The following IREB2 variants were observed in gnomAD, a reference collection of about 807,000 sequenced individuals.
IREB2 encodes the protein iron-responsive element-binding protein 2.
Under a neutral mutation model 118.8 loss-of-function variants are expected in IREB2, and 39 were observed. The ratio of observed to expected loss-of-function variants is 0.33; its 90% CI spans 0.25 to 0.43. The LOEUF is 0.43. IREB2 is among the 20% of genes least tolerant of loss of function. IREB2 has a pLI of 1.00. For missense variants in IREB2, 900 were observed against 1,147.3 expected (o/e 0.78, Z 3.11); for synonymous variants, 372 against 392.2 (o/e 0.95, Z 0.61).
chr15:78,438,106 C>T (rs1415651023), upstream of IREB2: 4 of 555,060 alleles, frequency 7.2e-6, no homozygotes, highest in African/African-American at 3.8e-5. Flanking sequence ...TGGTTAGCTC[C>T]GCCCCTTCCC....
In IREB2 at chr15:78,460,926, A is replaced by G. The variant is rs2051186431; in HGVS notation, c.107-1996A>G. Among the ~76,000 whole-genome samples, 2 of 152,220 alleles carry G rather than the reference A, an allele frequency of 1.3e-5. 1 individual carries two copies. The highest frequency in any genetic ancestry group is 1.3e-4 in the Admixed American group (2 of 15,278). ...GAGGAACAGAGTCATCCACAATCAT[A>G]AGCAGTTTGACATGCCCTTCTAGGT... On this transcript the variant is annotated intron_variant, in intron 2 of 21. Coordinates refer to ENST00000258886, the MANE Select transcript of IREB2 (RefSeq NM_004136.4).
rs575013838 is a variant in IREB2, at chr15:78,451,185, C to T, written c.106+11304C>T. ...TTCACCATGTTGGCCAGGCTGGTCT[C>T]GAACTCCTGACCTCAGATGATCCAC... On this transcript the variant is annotated intron_variant, in intron 2 of 21. Coordinates refer to ENST00000258886, the MANE Select transcript of IREB2 (RefSeq NM_004136.4). Among the ~76,000 whole-genome samples the T allele has an allele frequency of 3.6e-4, 54 of 152,096 alleles. No homozygotes were observed. The South Asian group carries it at 0.01, about 29-fold the overall frequency.
Position 78,488,802 on chromosome 15 carries a change from TAATC to T in IREB2, c.2076+35_2076+38del, listed in dbSNP as rs1442219755. On this transcript the variant is annotated intron_variant, in intron 16 of 21. Transcript: ENST00000258886. ...AGTCTTATGTGTTTCTTAAATAGTT[TAATC>T]AATTTGCAGTGTTCTTTTATTTCAT... 3.3e-5 allele frequency: 42 copies of T among 1,286,458 alleles called. No individual in the cohort carries two copies. In the Admixed American group the frequency reaches 9.0e-4, roughly 28 times the overall value. The allele number at this position is 1,286,458 out of a possible 1,614,324, so 79.7% of individuals were successfully genotyped here.
At chr15:78,489,414 T>C (rs1319490954) in intron 16 of IREB2, among the ~76,000 whole-genome samples, 1 of 152,138 alleles carries the variant, frequency 6.6e-6, no homozygotes, top group African/African-American at 2.4e-5. Flanking sequence ...GTGTTCAGAA[T>C]ACATCATTGA....
intron 13 of IREB2, 96 bp from the exon 14 acceptor site, chr15:78,487,634 AAGT>A: frequency 1.4e-6 from 1 of 701,014 alleles, no homozygotes; most frequent in South Asian, 1.7e-5. Context: ...ATAGTCTTTT[AAGT>A]AATCTTATTA....
intron 3 of IREB2, among the ~76,000 whole-genome samples, chr15:78,464,127 A>T (rs1175774024): frequency 6.6e-6 from 1 of 152,222 alleles, no homozygotes; most frequent in Non-Finnish European, 1.5e-5. Flanking sequence ...TAACTGCAAT[A>T]GTCTCTTAAC....
At chr15:78,491,607 C>T (rs147568176) in intron 18 of IREB2, among the ~76,000 whole-genome samples, 4 of 152,286 alleles carry the variant, frequency 2.6e-5, no homozygotes, top group East Asian at 1.9e-4. Flanking sequence ...AAGCAATTCT[C>T]CTACCTCAGC....
intron 15 of IREB2, 149 bp downstream of exon 15, chr15:78,488,485 G>A: frequency 3.1e-6 from 3 of 981,012 alleles, no homozygotes; most frequent in Non-Finnish European, 4.4e-6. Context: ...CTGTGTTTAT[G>A]TGAAGAAAAT....
chr15:78,444,713 A>G (rs2050900095), intron 2 of IREB2, among the ~76,000 whole-genome samples: 1 of 152,204 alleles, frequency 6.6e-6, no homozygotes, highest in Non-Finnish European at 1.5e-5. Flanking sequence ...ATATGTAAAT[A>G]TGCTACTTTT....
intron 10 of IREB2, among the ~76,000 whole-genome samples, chr15:78,482,941 G>C (rs982809336): frequency 2.0e-5 from 3 of 151,980 alleles, no homozygotes; most frequent in African/African-American, 7.2e-5. Context: ...AGGTTTCACT[G>C]TGTTAGCCAT....
chr15:78,438,287 C>T lies in IREB2; in HGVS notation c.-51C>T, dbSNP rs758117313. 1.7e-5 allele frequency: 26 copies of T among 1,488,560 alleles called. No individual in the cohort carries two copies. In the East Asian group the frequency reaches 2.8e-4, roughly 16 times the overall value. The allele number at this position is 1,488,560 out of a possible 1,614,324, so 92.2% of individuals were successfully genotyped here. A position where few individuals can be genotyped will look rare whatever the true frequency, so the allele number is the denominator to read the frequency against. The stretch of plus-strand genomic sequence containing the variant: ...CCCCGTCTTCCCTGCCCGGCCTCCC[C>T]CTTCTTCCCCCGCTGGCCCCCTCCC... On this transcript the variant is annotated 5_prime_UTR_variant, in exon 1 of 22. Coordinates refer to ENST00000258886, the MANE Select transcript of IREB2 (RefSeq NM_004136.4).
intron 18 of IREB2, among the ~76,000 whole-genome samples, chr15:78,493,257 A>G (rs2051781453): frequency 6.6e-6 from 1 of 152,198 alleles, no homozygotes; most frequent in African/African-American, 2.4e-5. Flanking sequence ...ATTCTTCAGT[A>G]TAGATGTGGG....
At chr15:78,477,353 GA>G (rs1442940836) in intron 9 of IREB2, among the ~76,000 whole-genome samples, 28 of 152,118 alleles carry the variant, frequency 1.8e-4, no homozygotes, top group African/African-American at 6.3e-4. Flanking sequence ...TTCATGTCTT[GA>G]GCCTCAACTG....
At chr15:78,476,389 C>T (rs1471266958) in intron 9 of IREB2, 30 bp downstream of exon 9, 1 of 1,425,022 alleles carries the variant, frequency 7.0e-7, no homozygotes, top group African/African-American at 1.4e-5. Flanking sequence ...CTAGAATAAA[C>T]ATGTTACATT....
chr15:78,470,187 AGTACATGCTTGTC>A (rs1566976651), intron 5 of IREB2, among the ~76,000 whole-genome samples: 1 of 152,212 alleles, frequency 6.6e-6, no homozygotes, highest in Non-Finnish European at 1.5e-5. Flanking sequence ...TGGGGAGGAA[AGTACATGCTTGTC>A]GTTGAAGCTA....
In IREB2 at chr15:78,470,592, G is replaced by A. The variant is rs556944918; in HGVS notation, c.690G>A (p.Gln230=). The A allele has an allele frequency of 9.7e-6, 15 of 1,540,756 alleles. No individual in the cohort carries two copies. In the East Asian group the frequency reaches 2.9e-4, roughly 30 times the overall value. The change falls in exon 6 of 22, where the codon CAG becomes CAA. Residue 230 remains glutamine, a synonymous_variant. Coordinates refer to ENST00000258886, the MANE Select transcript of IREB2 (RefSeq NM_004136.4). ...TCGGCAGAAATCGAGAGAGGCTTCAGTTTTTTAAGGTATAAATGATTCAGG... is the reference window on the plus strand; with the variant it reads ...TCGGCAGAAATCGAGAGAGGCTTCAATTTTTTAAGGTATAAATGATTCAGG... The part of the protein sequence containing the change: ...VEFGRNRERL[Q]FFKWSSRVFK...
chr15:78,488,569 A>G (rs2051697974), intron 15 of IREB2, 78 bp from the exon 16 acceptor site: 2 of 1,373,138 alleles, frequency 1.5e-6, no homozygotes, highest in East Asian at 2.4e-5. Flanking sequence ...CTTGATTTCC[A>G]TGATATGTCT....
At chr15:78,443,405 C>T (rs2050876208) in intron 2 of IREB2, among the ~76,000 whole-genome samples, 1 of 152,202 alleles carries the variant, frequency 6.6e-6, no homozygotes, top group Non-Finnish European at 1.5e-5. Context: ...CCTAATCTAT[C>T]TGCGTTACCA....
At chr15:78,491,447 T>TA (rs372156935) in intron 18 of IREB2, among the ~76,000 whole-genome samples, 2 of 152,188 alleles carry the variant, frequency 1.3e-5, no homozygotes, top group African/African-American at 4.8e-5. Flanking sequence ...GATGCTTGAG[T>TA]AATTAAAATG....
Sources: gnomAD v4.1 joint callset for allele counts (sites outside exome capture counted in the v4.1 genomes callset) on GRCh38, gnomAD v4.1.1 for gene constraint, MANE v1.5 for transcripts, NCBI Gene and HGNC (gene_info 2026-07-23, HGNC 2026-07-21) for gene names.